IL1RAPL2: variants seen among roughly 807,000 people sequenced by gnomAD.
The protein encoded by IL1RAPL2 is interleukin 1 receptor accessory protein like 2.
Under a neutral mutation model 44.1 loss-of-function variants are expected in IL1RAPL2, and 3 were observed. That is an observed-to-expected ratio of 0.07 (90% CI 0.03 to 0.18). IL1RAPL2 has a LOEUF of 0.18. IL1RAPL2 is among the 10% of genes least tolerant of loss of function. The pLI, the probability that IL1RAPL2 is intolerant of heterozygous loss-of-function variation, is 1.00. For synonymous variants in IL1RAPL2, 181 were observed against 178.8 expected (o/e 1.01, Z -0.10); for missense variants, 391 against 496.4 (o/e 0.79, Z 2.02).
intron 6 of IL1RAPL2, among the ~76,000 whole-genome samples, chrX:105,606,681 T>C (rs2037294810): frequency 9.0e-6 from 1 of 111,701 alleles, no homozygotes; most frequent in Non-Finnish European, 1.9e-5. Context: ...GAATAGATAA[T>C]ATCACATATA....
chrX:105,318,129 C>T (rs1033070000), intron 5 of IL1RAPL2, among the ~76,000 whole-genome samples: 2 of 110,571 alleles, frequency 1.8e-5, no homozygotes, highest in African/African-American at 3.3e-5. Flanking sequence ...CCCGCCACCA[C>T]GCCTGGCTAA....
rs766890719 is a variant in IL1RAPL2, at chrX:104,823,235, G to A, written c.82+164240G>A. On this transcript the variant is annotated intron_variant, in intron 2 of 10. Transcript: ENST00000372582. ...CATCTAGCATTAGGTATATCTCCCA[G>A]TGCTATCCCTTCCCCCTCAACCCAC... Among the ~76,000 whole-genome samples, 15 of 111,161 alleles carry A rather than the reference G, an allele frequency of 1.3e-4. No individual in the cohort carries two copies. The South Asian group carries it at 5.4e-3, about 40-fold the overall frequency.
intron 5 of IL1RAPL2, among the ~76,000 whole-genome samples, chrX:105,381,645 T>G (rs1250502074): frequency 7.1e-5 from 8 of 112,001 alleles, no homozygotes; most frequent in Non-Finnish European, 1.5e-4. Flanking sequence ...GCTGTACATA[T>G]TTATGGGGTA....
chrX:104,670,595 A>AG (rs1569293603), intron 2 of IL1RAPL2, among the ~76,000 whole-genome samples: 4 of 109,495 alleles, frequency 3.7e-5, no homozygotes, highest in South Asian at 4.0e-4. Context: ...GTTTTTTTTA[A>AG]ACAAATTTTG....
chrX:105,019,527 A>T (rs1049721876), intron 2 of IL1RAPL2, among the ~76,000 whole-genome samples: 1 of 111,841 alleles, frequency 8.9e-6, no homozygotes, highest in Non-Finnish European at 1.9e-5. Flanking sequence ...ATCAGTAGGT[A>T]ATAGATACTC....
intron 2 of IL1RAPL2, among the ~76,000 whole-genome samples, chrX:105,041,647 C>G (rs1240867765): frequency 9.1e-6 from 1 of 109,342 alleles, no homozygotes; most frequent in Non-Finnish European, 1.9e-5. Context: ...AATGGCCATA[C>G]TGCCCAAGGT....
intron 2 of IL1RAPL2, among the ~76,000 whole-genome samples, chrX:105,033,879 G>T (rs1435933110): frequency 9.0e-6 from 1 of 111,491 alleles, no homozygotes; most frequent in Admixed American, 9.5e-5. Context: ...CATAGATTTG[G>T]TCTTTTCACA....
intron 3 of IL1RAPL2, among the ~76,000 whole-genome samples, chrX:105,229,060 A>G (rs1287021268): frequency 1.8e-5 from 2 of 111,814 alleles, no homozygotes; most frequent in Non-Finnish European, 3.8e-5. Flanking sequence ...TCAGGATGTG[A>G]AGTAGGGAGA....
intron 2 of IL1RAPL2, among the ~76,000 whole-genome samples, chrX:104,889,705 A>G (rs1363587356): frequency 6.3e-5 from 7 of 111,874 alleles, no homozygotes; most frequent in Non-Finnish European, 9.4e-5. Flanking sequence ...TAGCCAGTTT[A>G]TCTACTTCAT....
intron 5 of IL1RAPL2, among the ~76,000 whole-genome samples, chrX:105,362,861 G>A (rs981678963): frequency 9.0e-6 from 1 of 110,858 alleles, no homozygotes; most frequent in African/African-American, 3.3e-5. Context: ...TTTTTGTGGT[G>A]AGAATGTTAA....
At chrX:104,952,374 A>T (rs1194878495) in intron 2 of IL1RAPL2, among the ~76,000 whole-genome samples, 1 of 112,069 alleles carries the variant, frequency 8.9e-6, no homozygotes, top group Admixed American at 9.5e-5. Context: ...TGCCTCAAGC[A>T]TCTATAGGTT....
At chrX:105,327,765 G>A (rs2034952094) in intron 5 of IL1RAPL2, among the ~76,000 whole-genome samples, 1 of 111,516 alleles carries the variant, frequency 9.0e-6, no homozygotes, top group Non-Finnish European at 1.9e-5. Context: ...AGAAGTAGAT[G>A]AGAAACATTA....
chrX:105,682,288 G>A (rs1489025368), intron 6 of IL1RAPL2, among the ~76,000 whole-genome samples: 1 of 111,613 alleles, frequency 9.0e-6, no homozygotes, highest in Non-Finnish European at 1.9e-5. Flanking sequence ...TAAGCATATA[G>A]TAAGAATATG....
At chrX:104,801,608 C>G (rs2076495031) in intron 2 of IL1RAPL2, among the ~76,000 whole-genome samples, 1 of 111,561 alleles carries the variant, frequency 9.0e-6, no homozygotes, top group Admixed American at 9.5e-5. Context: ...CTTAAGTTTG[C>G]ATTCATTATT....
At chrX:104,658,841 G>T (rs1665527115) in intron 1 of IL1RAPL2, 54 bp from the exon 2 acceptor site, 1 of 802,494 alleles carries the variant, frequency 1.2e-6, no homozygotes, top group African/African-American at 2.0e-5. Flanking sequence ...GTGTGGTTTT[G>T]TTGAGGCCAA....
At chrX:104,604,279 C>A (rs1164717999) in intron 1 of IL1RAPL2, among the ~76,000 whole-genome samples, 1 of 111,676 alleles carries the variant, frequency 9.0e-6, no homozygotes, top group African/African-American at 3.3e-5. Flanking sequence ...CACCACCAGG[C>A]CTGCCTTACA....
chrX:104,907,008 A>T (rs1403847442), intron 2 of IL1RAPL2, among the ~76,000 whole-genome samples: 6 of 110,932 alleles, frequency 5.4e-5, no homozygotes, highest in South Asian at 3.9e-4. Flanking sequence ...CAGAGATTCA[A>T]CTTCTTCCTG....
chrX:105,606,236 G>T (rs2037291651), intron 6 of IL1RAPL2, among the ~76,000 whole-genome samples: 1 of 111,434 alleles, frequency 9.0e-6, no homozygotes, highest in African/African-American at 3.3e-5. Flanking sequence ...ATTAAAAATG[G>T]GCTAATGATC....
intron 5 of IL1RAPL2, among the ~76,000 whole-genome samples, chrX:105,376,171 G>C (rs2035385967): frequency 8.9e-6 from 1 of 111,917 alleles, no homozygotes; most frequent in African/African-American, 3.2e-5. Flanking sequence ...GAGTATCTCA[G>C]TTCATACAGA....
Sources: allele counts gnomAD v4.1 joint callset (sites outside exome capture counted in the v4.1 genomes callset), GRCh38; gene constraint gnomAD v4.1.1; transcripts MANE v1.5; gene names NCBI Gene and HGNC (gene_info 2026-07-23, HGNC 2026-07-21).